The following ANKFN1 variants were observed in gnomAD, a reference collection of about 807,000 sequenced individuals.
ANKFN1 encodes ankyrin repeat and fibronectin type III domain containing 1.
Under a neutral mutation model 108.7 loss-of-function variants are expected in ANKFN1, and 74 were observed. That is an observed-to-expected ratio of 0.68 (90% CI 0.56 to 0.83). The LOEUF (loss-of-function observed/expected upper bound fraction) is 0.83. ANKFN1 is among the 40% of genes least tolerant of loss of function. The pLI, the probability that ANKFN1 is intolerant of heterozygous loss-of-function variation, is 0.00. For synonymous variants in ANKFN1, 547 were observed against 516.2 expected (o/e 1.06, Z -0.81); for missense variants, 1,505 against 1,382.3 (o/e 1.09, Z -1.41).
At chr17:56,432,319 G>A (rs1422342585) in intron 8 of ANKFN1, among the ~76,000 whole-genome samples, 1 of 152,004 alleles carries the variant, frequency 6.6e-6, no homozygotes, top group East Asian at 1.9e-4. Flanking sequence ...GAGTTTGTCT[G>A]AGTTAGTGAT....
At chr17:56,347,270 G>A (rs1185585650) in intron 4 of ANKFN1, among the ~76,000 whole-genome samples, 2 of 151,924 alleles carry the variant, frequency 1.3e-5, no homozygotes, top group Non-Finnish European at 2.9e-5. Flanking sequence ...ATACTTTGGT[G>A]TCTCTATTTT....
chr17:56,157,164 C>T (rs1239211100), intron 1 of ANKFN1, among the ~76,000 whole-genome samples: 1 of 152,132 alleles, frequency 6.6e-6, no homozygotes, highest in Non-Finnish European at 1.5e-5. Context: ...ACACTGGTCA[C>T]CTGGCAGGGG....
rs190288541 is a variant in ANKFN1 at position 56,243,034 on chromosome 17, T to A, written c.53+15077T>A. Among the ~76,000 whole-genome samples the A allele has an allele frequency of 5.8e-3, 883 of 152,310 alleles. 4 individuals are homozygous for A. The highest frequency in any genetic ancestry group is 9.3e-3 in the Non-Finnish European group (630 of 68,026). On this transcript the variant is annotated intron_variant, in intron 3 of 20. Transcript: ENST00000682825. ...TAAACTCTACTTGGTAATGCTTTTT[T>A]AAAATGTATTGCTATACAATTTGCA...
chr17:56,265,239 G>T (rs2043618279), intron 3 of ANKFN1, among the ~76,000 whole-genome samples: 1 of 152,108 alleles, frequency 6.6e-6, no homozygotes, highest in Admixed American at 6.6e-5. Flanking sequence ...TAAACAAAAA[G>T]TTTAATTGAC....
At chr17:56,376,108 A>G (rs74934645) in intron 8 of ANKFN1, among the ~76,000 whole-genome samples, 1,688 of 152,302 alleles carry the variant, frequency 0.011, 37 homozygotes, top group African/African-American at 0.039. Flanking sequence ...CTTTCTTTGC[A>G]TTCAGGTCAC....
intron 1 of ANKFN1, among the ~76,000 whole-genome samples, chr17:56,210,473 A>G (rs1243652429): frequency 6.6e-6 from 1 of 151,948 alleles, no homozygotes; most frequent in Non-Finnish European, 1.5e-5. Flanking sequence ...TTTGATTTAC[A>G]TTTCCCTGAT....
chr17:56,363,498 T>C (rs1385014808), intron 6 of ANKFN1, among the ~76,000 whole-genome samples: 2 of 152,192 alleles, frequency 1.3e-5, no homozygotes, highest in Admixed American at 1.3e-4. Flanking sequence ...ACAGCCATTA[T>C]GAAAACTAAG....
chr17:56,202,793 T>C lies in ANKFN1; in HGVS notation c.-70-9805T>C, dbSNP rs1202699294. Among the ~76,000 whole-genome samples the C allele has an allele frequency of 2.0e-5, 3 of 152,188 alleles. No homozygotes were observed. In the East Asian group the frequency reaches 5.8e-4, roughly 29 times the overall value. ...CATATATTAGAATATTCTGGAACTG[T>C]TCAAAAAGGTTTTGAAAAAAATATA... On this transcript the variant is annotated intron_variant, in intron 1 of 20. Transcript: ENST00000682825.
intron 14 of ANKFN1, 116 bp from the exon 15 acceptor site, chr17:56,466,240 A>AG: frequency 3.2e-6 from 3 of 951,618 alleles, no homozygotes; most frequent in East Asian, 2.6e-5. Flanking sequence ...AAAAAAAAAA[A>AG]AGAGAGCAAA....
At chr17:56,417,074 G>A (rs1314182868) in intron 8 of ANKFN1, among the ~76,000 whole-genome samples, 2 of 151,958 alleles carry the variant, frequency 1.3e-5, no homozygotes, top group African/African-American at 2.4e-5. Context: ...GGTAGTGGGA[G>A]GTTGGGGGGA....
chr17:56,231,635 C>A (rs1428280897), intron 3 of ANKFN1, among the ~76,000 whole-genome samples: 1 of 152,174 alleles, frequency 6.6e-6, no homozygotes, highest in African/African-American at 2.4e-5. Flanking sequence ...GCCCATCGTT[C>A]TTGGGCTTTC....
In ANKFN1 at chr17:56,208,004, G is replaced by T. The variant is rs192463440; in HGVS notation, c.-70-4594G>T. ...GCCCAGACTGGCTTTCCTTAGTCAA[G>T]ATTTCTATTTTTTCTTATTTGAGAC... On this transcript the variant is annotated intron_variant, in intron 1 of 20. Coordinates refer to ENST00000682825, the MANE Select transcript of ANKFN1 (RefSeq NM_001370326.1). Among the ~76,000 whole-genome samples, 16 of 152,208 alleles carry T rather than the reference G, an allele frequency of 1.1e-4. No individual in the cohort carries two copies. The East Asian group carries it at 2.9e-3, about 28-fold the overall frequency.
chr17:56,421,160 T>C (rs1307986654), intron 8 of ANKFN1, among the ~76,000 whole-genome samples: 1 of 152,224 alleles, frequency 6.6e-6, no homozygotes, highest in African/African-American at 2.4e-5. Context: ...GTATCTATAA[T>C]TTTTAGTTAG....
intron 8 of ANKFN1, among the ~76,000 whole-genome samples, chr17:56,396,425 G>A (rs2047586794): frequency 6.6e-6 from 1 of 152,164 alleles, no homozygotes; most frequent in African/African-American, 2.4e-5. Flanking sequence ...TCCATCCTGA[G>A]CAACAGAGCT....
chr17:56,098,810 TCTA>T (rs1348941989), intron 4 of ANKFN1, among the ~76,000 whole-genome samples: 2 of 152,120 alleles, frequency 1.3e-5, no homozygotes, highest in African/African-American at 4.8e-5. Flanking sequence ...ATACATTTAT[TCTA>T]CTGCTGCCGA....
intron 2 of ANKFN1, among the ~76,000 whole-genome samples, chr17:56,220,392 G>A (rs1023722405): frequency 1.3e-5 from 2 of 152,140 alleles, no homozygotes; most frequent in East Asian, 1.9e-4. Flanking sequence ...GGTGGCTCAC[G>A]CCTGTAATTT....
chr17:56,452,822 T>G (rs984757469), intron 11 of ANKFN1, among the ~76,000 whole-genome samples: 1 of 152,230 alleles, frequency 6.6e-6, no homozygotes, highest in Non-Finnish European at 1.5e-5. Context: ...ATAACTATAA[T>G]GTGTCTCTGA....
At chr17:56,241,876 T>A (rs1917608124) in intron 3 of ANKFN1, among the ~76,000 whole-genome samples, 1 of 152,082 alleles carries the variant, frequency 6.6e-6, no homozygotes, top group South Asian at 2.1e-4. Context: ...ATAACCAAGA[T>A]GGCTATTAAG....
chr17:56,399,724 T>C (rs1016541914), intron 8 of ANKFN1, among the ~76,000 whole-genome samples: 3 of 151,782 alleles, frequency 2.0e-5, no homozygotes, highest in Non-Finnish European at 4.4e-5. Context: ...TGAGAACATA[T>C]GATGTTTGGC....
Sources: allele counts gnomAD v4.1 joint callset (sites outside exome capture counted in the v4.1 genomes callset), GRCh38; gene constraint gnomAD v4.1.1; transcripts MANE v1.5; gene names NCBI Gene and HGNC (gene_info 2026-07-23, HGNC 2026-07-21).